Variants in BBS9 observed in about 807,000 individuals in gnomAD.
The protein encoded by BBS9 is Bardet-Biedl syndrome 9.
A neutral mutation model predicts 117.7 loss-of-function variants in BBS9; 89 were observed. The ratio of observed to expected loss-of-function variants is 0.76; its 90% CI spans 0.64 to 0.90. The LOEUF (loss-of-function observed/expected upper bound fraction) is 0.90, where lower values mean the gene tolerates loss of function less well. BBS9 is among the 40% of genes least tolerant of loss of function. BBS9 has a pLI of 0.00. For synonymous variants in BBS9, 379 were observed against 370.9 expected, an observed-to-expected ratio of 1.02 and a Z score of -0.25; for missense variants, 982 against 1,042.2, an observed-to-expected ratio of 0.94 and a Z score of 0.80.
rs551978175 is a variant in BBS9, at chr7:33,232,237, A to T, written c.443-24999A>T. Among the ~76,000 whole-genome samples the T allele has an allele frequency of 5.9e-5, 9 of 152,278 alleles. No homozygotes were observed. In the South Asian group the frequency reaches 1.0e-3, roughly 18 times the overall value. ...TTTCTGATTTAGTTATCATAGTCAG[A>T]TGTTTTAATTCTTGCTCTAAAGTTA... On this transcript the variant is annotated intron_variant, in intron 5 of 22. Transcript: ENST00000242067.
At chr7:33,314,977 A>G (rs1223533469) in intron 9 of BBS9, among the ~76,000 whole-genome samples, 9 of 152,140 alleles carry the variant, frequency 5.9e-5, no homozygotes, top group Non-Finnish European at 4.4e-5. Flanking sequence ...TGTGTAACAA[A>G]CCATCACAAA....
chr7:33,347,305 A>G (rs1365520968), intron 12 of BBS9, among the ~76,000 whole-genome samples: 1 of 152,042 alleles, frequency 6.6e-6, no homozygotes, highest in Non-Finnish European at 1.5e-5. Flanking sequence ...CTAGTATTAT[A>G]TTATTATAAT....
chr7:33,218,797 A>C (rs1006984109), intron 5 of BBS9, among the ~76,000 whole-genome samples: 1 of 152,244 alleles, frequency 6.6e-6, no homozygotes, highest in Admixed American at 6.5e-5. Context: ...AGGTTTTGAG[A>C]GGTGACAGCG....
intron 21 of BBS9, among the ~76,000 whole-genome samples, chr7:33,537,924 A>G (rs1007691040): frequency 1.3e-5 from 2 of 152,210 alleles, no homozygotes; most frequent in Admixed American, 6.5e-5. Context: ...TGTCACCTCT[A>G]TGCTTTTCTT....
At chr7:33,542,332 C>A (rs1007943995) in intron 21 of BBS9, among the ~76,000 whole-genome samples, 41 of 152,176 alleles carry the variant, frequency 2.7e-4, no homozygotes, top group African/African-American at 9.9e-4. Context: ...ATCCACCCAC[C>A]TCGGCCTCCC....
intron 5 of BBS9, among the ~76,000 whole-genome samples, chr7:33,256,830 G>A (rs1192305497): frequency 6.6e-6 from 1 of 152,014 alleles, no homozygotes; most frequent in Non-Finnish European, 1.5e-5. Context: ...CACACTAGCA[G>A]GACATGAAAG....
chr7:33,453,421 TTCC>T (rs1462979779), intron 19 of BBS9, among the ~76,000 whole-genome samples: 1 of 152,140 alleles, frequency 6.6e-6, no homozygotes, highest in Non-Finnish European at 1.5e-5. Context: ...CCAGCTCCTC[TTCC>T]TCCTCCTCAG....
chr7:33,238,287 C>T (rs1562856163), intron 5 of BBS9, among the ~76,000 whole-genome samples: 1 of 151,872 alleles, frequency 6.6e-6, no homozygotes, highest in Non-Finnish European at 1.5e-5. Flanking sequence ...AGTGTGATTC[C>T]TCAAAGGTCT....
intron 9 of BBS9, among the ~76,000 whole-genome samples, chr7:33,297,661 C>T (rs1805545919): frequency 3.9e-5 from 6 of 152,000 alleles, no homozygotes; most frequent in Admixed American, 2.6e-4. Flanking sequence ...ACAATATTAC[C>T]AATGCAGTGG....
At chr7:33,596,299 C>CATACAT (rs1491153351) in intron 21 of BBS9, among the ~76,000 whole-genome samples, 9 of 143,456 alleles carry the variant, frequency 6.3e-5, no homozygotes, top group African/African-American at 2.1e-4. Context: ...CACACACACA[C>CATACAT]TTATATATGT....
intron 19 of BBS9, chr7:33,390,731 A>C (rs1345379093): frequency 1.5e-5 from 8 of 544,940 alleles, no homozygotes; most frequent in Non-Finnish European, 1.9e-5. Flanking sequence ...GTAATGCTAA[A>C]TTTCCCATCT....
chr7:33,246,868 C>G (rs1795417744), intron 5 of BBS9, among the ~76,000 whole-genome samples: 1 of 152,084 alleles, frequency 6.6e-6, no homozygotes, highest in Non-Finnish European at 1.5e-5. Flanking sequence ...CAGATTCTGA[C>G]ACACTCACAA....
chr7:33,410,260 T>C (rs946002431), intron 19 of BBS9, among the ~76,000 whole-genome samples: 1 of 152,190 alleles, frequency 6.6e-6, no homozygotes, highest in African/African-American at 2.4e-5. Flanking sequence ...GGGCGTGGAA[T>C]CCAGTACTGA....
chr7:33,390,636 T>G, intron 19 of BBS9: 1 of 963,232 alleles, frequency 1.0e-6, no homozygotes, highest in Non-Finnish European at 1.2e-6. Flanking sequence ...CATAATAAAG[T>G]CTATTTTAAT....
chr7:33,152,854 A>G lies in BBS9; in HGVS notation c.263+3A>G. ...GTGGAAGTAGGAAAGTTTGTTTCGTAAGTAAGCCCACTAATTCTGGTATTT... is the reference window on the plus strand; with the variant it reads ...GTGGAAGTAGGAAAGTTTGTTTCGTGAGTAAGCCCACTAATTCTGGTATTT... On this transcript the variant is annotated splice_donor_region_variant and intron_variant, in intron 3 of 22. Coordinates refer to ENST00000242067, the MANE Select transcript of BBS9 (RefSeq NM_198428.3). 1 of 1,613,894 alleles carries G rather than the reference A, an allele frequency of 6.2e-7. No individual in the cohort carries two copies. The highest frequency in any genetic ancestry group is 8.5e-7 in the Non-Finnish European group (1 of 1,179,886).
rs116717342 is a variant in BBS9, at chr7:33,323,466, G to T, written c.1017-12975G>T. Among the ~76,000 whole-genome samples, 1,308 of 151,590 alleles carry T rather than the reference G, an allele frequency of 8.6e-3. 14 individuals are homozygous for T. Among genetic ancestry groups the T allele is most frequent in the African/African-American group, 0.03 (1,245 of 41,378 alleles). The stretch of plus-strand genomic sequence containing the variant: ...TTTTTATATCTTCTGGTTGAATTGA[G>T]TTTTTTTTAAATCATTATATAATGA... On this transcript the variant is annotated intron_variant, in intron 9 of 22. Coordinates refer to ENST00000242067, the MANE Select transcript of BBS9 (RefSeq NM_198428.3).
chr7:33,154,568 C>T (rs1237681344), intron 3 of BBS9, among the ~76,000 whole-genome samples: 4 of 152,140 alleles, frequency 2.6e-5, no homozygotes, highest in African/African-American at 9.7e-5. Context: ...CAGATTCAAG[C>T]AATTCTCCTG....
intron 21 of BBS9, among the ~76,000 whole-genome samples, chr7:33,565,844 T>TATA (rs5883407): frequency 0.047 from 3,772 of 79,796 alleles, 396 homozygotes; most frequent in Middle Eastern, 0.12. Context: ...TATATACTGC[T>TATA]TATATATATA....
intron 4 of BBS9, among the ~76,000 whole-genome samples, chr7:33,173,129 T>C (rs544997423): frequency 5.9e-5 from 9 of 152,288 alleles, no homozygotes; most frequent in East Asian, 5.8e-4. Flanking sequence ...CATTAAGGAA[T>C]AGGGGGAAGA....
Sources: allele counts gnomAD v4.1 joint callset (sites outside exome capture counted in the v4.1 genomes callset), GRCh38; gene constraint gnomAD v4.1.1; transcripts MANE v1.5; gene names NCBI Gene and HGNC (gene_info 2026-07-23, HGNC 2026-07-21).